The following REDIC1 variants were observed in gnomAD, a reference collection of about 807,000 sequenced individuals.
REDIC1 encodes the protein HEI10 Interacting Protein 1.
the REDIC1 span, among the ~76,000 whole-genome samples, chr12:39,880,087 T>G: frequency 6.6e-6 from 1 of 152,206 alleles, no homozygotes; most frequent in African/African-American, 2.4e-5. Flanking sequence ...CCATGTGACG[T>G]GACTGCTCCC....
chr12:39,854,234 A>G, the REDIC1 span, among the ~76,000 whole-genome samples: 1 of 152,188 alleles, frequency 6.6e-6, no homozygotes, highest in Non-Finnish European at 1.5e-5. Context: ...TCTTATCTGT[A>G]AAATTGGATA....
chr12:39,729,269 C>A, the REDIC1 span, among the ~76,000 whole-genome samples: 3 of 152,262 alleles, frequency 2.0e-5, no homozygotes, highest in South Asian at 2.1e-4. Context: ...AATTTTAGAT[C>A]TTTCCCGTCT....
the REDIC1 span, among the ~76,000 whole-genome samples, chr12:39,899,080 G>A: frequency 2.0e-5 from 3 of 151,988 alleles, no homozygotes; most frequent in African/African-American, 7.3e-5. Flanking sequence ...TTGTACCTCT[G>A]GTAGAATTCG....
At chr12:39,750,847 C>T in the REDIC1 span, among the ~76,000 whole-genome samples, 3 of 152,180 alleles carry the variant, frequency 2.0e-5, no homozygotes, top group Non-Finnish European at 4.4e-5. Flanking sequence ...GTGGGGAAAA[C>T]TGGCTAGCCA....
At chr12:39,841,141 GC>G in the REDIC1 span, among the ~76,000 whole-genome samples, 2 of 152,084 alleles carry the variant, frequency 1.3e-5, no homozygotes, top group Non-Finnish European at 2.9e-5. Flanking sequence ...TGAGTTAGAT[GC>G]AAAAAATTTT....
the REDIC1 span, among the ~76,000 whole-genome samples, chr12:39,740,378 A>C: frequency 6.6e-6 from 1 of 152,300 alleles, no homozygotes; most frequent in South Asian, 2.1e-4. Flanking sequence ...CCTATGGTGA[A>C]TTCTTATGAC....
At chr12:39,681,376 G>A in the REDIC1 span, among the ~76,000 whole-genome samples, 1 of 152,176 alleles carries the variant, frequency 6.6e-6, no homozygotes, top group South Asian at 2.1e-4. Context: ...AGTGTACACT[G>A]CTTGGGTAAT....
chr12:39,881,882 T>C, the REDIC1 span, among the ~76,000 whole-genome samples: 1 of 152,006 alleles, frequency 6.6e-6, no homozygotes, highest in South Asian at 2.1e-4. Flanking sequence ...GCCTCACAAG[T>C]TTCTTCTCCA....
the REDIC1 span, among the ~76,000 whole-genome samples, chr12:39,714,698 C>T: frequency 6.6e-6 from 1 of 151,736 alleles, no homozygotes; most frequent in Non-Finnish European, 1.5e-5. Context: ...AGAAGTGTTC[C>T]CTGTTCACCA....
chr12:39,799,428 C>T, the REDIC1 span, among the ~76,000 whole-genome samples: 2 of 137,172 alleles, frequency 1.5e-5, no homozygotes, highest in African/African-American at 2.6e-5. Context: ...TCTTTAATCT[C>T]AACCATTAGG....
chr12:39,745,642 G>T, the REDIC1 span, among the ~76,000 whole-genome samples: 1 of 152,106 alleles, frequency 6.6e-6, no homozygotes, highest in Admixed American at 6.5e-5. Flanking sequence ...AATATTTAAT[G>T]ATTTTTTATT....
chr12:39,682,827 T>C, the REDIC1 span: 7 of 1,612,138 alleles, frequency 4.3e-6, no homozygotes, highest in Non-Finnish European at 5.9e-6. Flanking sequence ...CTTTTGTTAG[T>C]CAAAATATGA....
the REDIC1 span, among the ~76,000 whole-genome samples, chr12:39,855,953 G>A: frequency 6.6e-6 from 1 of 152,162 alleles, no homozygotes. Context: ...AACACTATGT[G>A]ACCTGTTTTA....
At chr12:39,684,869 G>T in the REDIC1 span, 2 of 1,609,026 alleles carry the variant, frequency 1.2e-6, no homozygotes, top group South Asian at 1.1e-5. Flanking sequence ...ATCCTTAGGG[G>T]AAATATACCT....
the REDIC1 span, among the ~76,000 whole-genome samples, chr12:39,847,533 C>T: frequency 6.6e-6 from 1 of 152,102 alleles, no homozygotes; most frequent in African/African-American, 2.4e-5. Flanking sequence ...GCTTGCTTCA[C>T]AGGAATGCTA....
At chr12:39,856,864 T>G in the REDIC1 span, among the ~76,000 whole-genome samples, 1 of 152,236 alleles carries the variant, frequency 6.6e-6, no homozygotes, top group Non-Finnish European at 1.5e-5. Flanking sequence ...AATTAAAGAA[T>G]AGTTAAGTTT....
chr12:39,680,998 G>T, the REDIC1 span, among the ~76,000 whole-genome samples: 1 of 152,182 alleles, frequency 6.6e-6, no homozygotes, highest in Non-Finnish European at 1.5e-5. Context: ...TGGACCGGGT[G>T]TGGTGGCCTA....
the REDIC1 span, among the ~76,000 whole-genome samples, chr12:39,836,203 A>G: frequency 1.3e-5 from 2 of 152,078 alleles, no homozygotes; most frequent in African/African-American, 4.8e-5. Context: ...AATTGTAGAC[A>G]CCTTTCCCTT....
At chr12:39,696,737 A>T in the REDIC1 span, among the ~76,000 whole-genome samples, 1 of 152,134 alleles carries the variant, frequency 6.6e-6, no homozygotes, top group South Asian at 2.1e-4. Flanking sequence ...TGAAATAATT[A>T]AAAAGAATCA....
Sources: allele counts gnomAD v4.1 joint callset (sites outside exome capture counted in the v4.1 genomes callset), GRCh38; gene constraint gnomAD v4.1.1; transcripts MANE v1.5; gene names NCBI Gene and HGNC (gene_info 2026-07-23, HGNC 2026-07-21).